The following PLA2G12B variants were observed in gnomAD, a reference collection of about 807,000 sequenced individuals.
The protein encoded by PLA2G12B is group XIIB secretory phospholipase A2-like protein.
PLA2G12B carries 19 observed loss-of-function variants against 22.3 expected under a neutral mutation model. The observed-to-expected ratio is 0.85, with a 90% CI of 0.60 to 1.25. The LOEUF (loss-of-function observed/expected upper bound fraction) is 1.25. PLA2G12B is among the 50% of genes most tolerant of loss of function. The pLI, the probability that PLA2G12B is intolerant of heterozygous loss-of-function variation, is 0.00. For synonymous variants in PLA2G12B, 81 were observed against 94.9 expected (o/e 0.85, Z 0.85); for missense variants, 191 against 246.6 (o/e 0.77, Z 1.51).
chr10:72,936,292 C>A (rs992115313), intron 3 of PLA2G12B, among the ~76,000 whole-genome samples: 1 of 152,160 alleles, frequency 6.6e-6, no homozygotes, highest in African/African-American at 2.4e-5. Context: ...AGCTACACTA[C>A]CTCATGATGA....
Position 72,934,890 on chromosome 10 carries a change from C to T in PLA2G12B, c.*727G>A, listed in dbSNP as rs1309970060. Among the ~76,000 whole-genome samples the T allele has an allele frequency of 6.6e-6, 1 of 152,174 alleles. No homozygotes were observed. The highest frequency in any genetic ancestry group is 6.5e-5 in the Admixed American group (1 of 15,282). On this transcript the variant is annotated 3_prime_UTR_variant, in exon 4 of 4. Transcript: ENST00000373032. ...AGCTAGCTCCATCAGTAACTCTTAG[C>T]AAGTACATCTCAGATCTTAGCATGA...
At chr10:72,951,798 T>C (rs2132982151) in intron 1 of PLA2G12B, among the ~76,000 whole-genome samples, 1 of 152,278 alleles carries the variant, frequency 6.6e-6, no homozygotes, top group Admixed American at 6.5e-5. Context: ...AGGTATGCCA[T>C]TGACACACGC....
At chr10:72,941,686 A>T (rs1302395663) in intron 2 of PLA2G12B, among the ~76,000 whole-genome samples, 1 of 152,212 alleles carries the variant, frequency 6.6e-6, no homozygotes, top group Non-Finnish European at 1.5e-5. Context: ...TTTAATTAAC[A>T]CTTAACAGTC....
At chr10:72,940,688 A>T (rs961723688) in intron 3 of PLA2G12B, among the ~76,000 whole-genome samples, 1 of 152,032 alleles carries the variant, frequency 6.6e-6, no homozygotes, top group African/African-American at 2.4e-5. Context: ...AATTTTTTTT[A>T]ATTTAAATAA....
chr10:72,942,183 T>G (rs1846373861), intron 2 of PLA2G12B, among the ~76,000 whole-genome samples: 1 of 149,448 alleles, frequency 6.7e-6, no homozygotes, highest in Non-Finnish European at 1.5e-5. Flanking sequence ...TGTGTGTGTG[T>G]GTGTGCAGAT....
intron 3 of PLA2G12B, 120 bp downstream of exon 3, chr10:72,941,049 C>T: frequency 8.9e-7 from 1 of 1,125,060 alleles, no homozygotes; most frequent in Non-Finnish European, 1.2e-6. Flanking sequence ...CCACAGTGTT[C>T]CATAAAGAAT....
rs769456878 is a variant in PLA2G12B, at chr10:72,954,496, A to G, written c.190T>C (p.Cys64Arg). ...LELLGGKNGVCQYRCRYGKAP... is the reference protein window; with the variant it reads ...LELLGGKNGVRQYRCRYGKAP... ...TCACCATATCGGCACCTGTACTGAC[A>G]GACTCCATTCTTCCCTCCCAGCAGC... Residue 64 changes from cysteine to arginine, a missense_variant, in exon 1 of 4, where the codon TGT (cysteine) becomes CGT (arginine). Transcript: ENST00000373032. 6.2e-7 allele frequency: 1 copy of G among 1,614,110 alleles called. No homozygotes were observed. Among genetic ancestry groups the G allele is most frequent in the East Asian group, 2.2e-5 (1 of 44,894 alleles).
Sources: allele counts gnomAD v4.1 joint callset (sites outside exome capture counted in the v4.1 genomes callset), GRCh38; gene constraint gnomAD v4.1.1; transcripts MANE v1.5; gene names NCBI Gene and HGNC (gene_info 2026-07-23, HGNC 2026-07-21).